Variants in PDE10A observed in about 807,000 individuals in gnomAD.
PDE10A encodes cAMP and cAMP-inhibited cGMP 3',5'-cyclic phosphodiesterase 10A.
A neutral mutation model predicts 97.7 loss-of-function variants in PDE10A; 39 were observed. The ratio of observed to expected loss-of-function variants is 0.40; its 90% CI spans 0.31 to 0.52. PDE10A has a LOEUF of 0.52. Ranked by LOEUF, PDE10A falls within the 20% of genes least tolerant of loss-of-function variation. PDE10A has a pLI of 0.56. For missense variants in PDE10A, 731 were observed against 1,047.8 expected (o/e 0.70, Z 4.17); for synonymous variants, 371 against 376.8 (o/e 0.98, Z 0.18).
chr6:165,642,364 C>T (rs80164209), intron 1 of PDE10A, among the ~76,000 whole-genome samples: 1,678 of 152,326 alleles, frequency 0.011, 26 homozygotes, highest in African/African-American at 0.038. Context: ...TCATGGACGT[C>T]CATCTGTGCA....
intron 18 of PDE10A, among the ~76,000 whole-genome samples, chr6:165,363,692 T>C (rs1313517661): frequency 1.3e-5 from 2 of 152,090 alleles, no homozygotes; most frequent in Non-Finnish European, 1.5e-5. Flanking sequence ...TGTCAAGATA[T>C]AAGATCGGTA....
intron 1 of PDE10A, among the ~76,000 whole-genome samples, chr6:165,638,526 C>T (rs572899373): frequency 5.3e-5 from 8 of 152,336 alleles, no homozygotes; most frequent in Admixed American, 2.0e-4. Context: ...TTCCTGTCTT[C>T]AGACCATCTA....
At chr6:165,779,667 T>C (rs1293922987) in intron 1 of PDE10A, among the ~76,000 whole-genome samples, 1 of 152,238 alleles carries the variant, frequency 6.6e-6, no homozygotes, top group Non-Finnish European at 1.5e-5. Context: ...TTTCTGGAAT[T>C]TTCTGCACAC....
chr6:165,480,426 T>G (rs1011535171), intron 3 of PDE10A, among the ~76,000 whole-genome samples: 1 of 149,612 alleles, frequency 6.7e-6, no homozygotes, highest in Non-Finnish European at 1.5e-5. Context: ...CATCTCTATT[T>G]AAAAAAAAAA....
At position 165,459,571 on chromosome 6, in the gene PDE10A, A is replaced by G. The variant is rs1778193419; in HGVS notation, c.1024-9209T>C. On this transcript the variant is annotated intron_variant, in intron 3 of 21. Coordinates refer to ENST00000539869, the MANE Select transcript of PDE10A (RefSeq NM_001385079.1). ...CAGACAGACAGACAGATAGATAGATAATGATAGATATATATATATATATAA... is the reference window on the plus strand; with the variant it reads ...CAGACAGACAGACAGATAGATAGATGATGATAGATATATATATATATATAA... Among the ~76,000 whole-genome samples the G allele has an allele frequency of 3.2e-5, 4 of 125,400 alleles. No homozygotes were observed. In the South Asian group the frequency reaches 6.8e-4, roughly 21 times the overall value. The allele number at this position is 125,400 out of a possible 152,430, so 82.3% of individuals were successfully genotyped here.
chr6:165,332,776 G>C lies in PDE10A; in HGVS notation c.*249C>G, dbSNP rs983294576. 9 of 468,750 alleles carry C rather than the reference G, an allele frequency of 1.9e-5. No individual in the cohort carries two copies. Among genetic ancestry groups the C allele is most frequent in the African/African-American group, 1.4e-4 (7 of 49,908 alleles). 29.0% of individuals were successfully genotyped at this position (468,750 alleles called of 1,614,324 possible). A position where few individuals can be genotyped will look rare whatever the true frequency, so the allele number is the denominator to read the frequency against. The stretch of plus-strand genomic sequence containing the variant: ...AAAAGGCTGGTTTGCAAGTCAAATG[G>C]AGTCACTTGGCCAGCTGATTTCTGA... On this transcript the variant is annotated 3_prime_UTR_variant, in exon 22 of 22. Coordinates refer to ENST00000539869, the MANE Select transcript of PDE10A (RefSeq NM_001385079.1).
chr6:165,905,686 C>A (rs202104529), intron 1 of PDE10A, among the ~76,000 whole-genome samples: 1 of 148,432 alleles, frequency 6.7e-6, no homozygotes, highest in Non-Finnish European at 1.5e-5. Context: ...GAAAAAAAAA[C>A]AACAGCCTCC....
intron 10 of PDE10A, among the ~76,000 whole-genome samples, chr6:165,420,608 C>A (rs1788625024): frequency 6.6e-6 from 1 of 152,126 alleles, no homozygotes; most frequent in Admixed American, 6.6e-5. Flanking sequence ...GAGGTAATGT[C>A]AGTTGCTTAA....
intron 5 of PDE10A, among the ~76,000 whole-genome samples, chr6:165,445,734 CA>C (rs1790802312): frequency 1.3e-5 from 2 of 152,154 alleles, no homozygotes; most frequent in Admixed American, 1.3e-4. Context: ...TCATCTCAAC[CA>C]GATAATTTAG....
intron 13 of PDE10A, among the ~76,000 whole-genome samples, chr6:165,407,277 G>A (rs1401643912): frequency 6.6e-6 from 1 of 152,132 alleles, no homozygotes; most frequent in African/African-American, 2.4e-5. Flanking sequence ...AGAGAAGCCA[G>A]CACACTTAGC....
intron 1 of PDE10A, among the ~76,000 whole-genome samples, chr6:165,799,088 G>C (rs1778909366): frequency 6.6e-6 from 1 of 152,178 alleles, no homozygotes; most frequent in Admixed American, 6.5e-5. Flanking sequence ...AGGCTCCATG[G>C]AAACATCAGC....
chr6:165,942,583 C>T (rs1306372920), intron 1 of PDE10A, among the ~76,000 whole-genome samples: 2 of 152,168 alleles, frequency 1.3e-5, no homozygotes, highest in African/African-American at 2.4e-5. Flanking sequence ...CCCCGCTCTG[C>T]CCCGCTCTCG....
At chr6:165,536,338 A>T (rs1237932246) in intron 2 of PDE10A, among the ~76,000 whole-genome samples, 3 of 152,030 alleles carry the variant, frequency 2.0e-5, no homozygotes, top group Admixed American at 6.6e-5. Context: ...TAAACATAAG[A>T]CCTAAAACTA....
At chr6:165,483,082 T>C (rs1189320054) in intron 2 of PDE10A, among the ~76,000 whole-genome samples, 4 of 152,188 alleles carry the variant, frequency 2.6e-5, no homozygotes, top group African/African-American at 7.2e-5. Flanking sequence ...ACACAGGTCA[T>C]TGATTCTGAT....
At chr6:165,868,079 G>T (rs1781107299) in intron 1 of PDE10A, among the ~76,000 whole-genome samples, 1 of 151,996 alleles carries the variant, frequency 6.6e-6, no homozygotes, top group Admixed American at 6.5e-5. Context: ...GAAGCAGAAT[G>T]ATTTCAAATA....
chr6:165,626,263 G>T (rs73786690), intron 1 of PDE10A, among the ~76,000 whole-genome samples: 16,268 of 152,244 alleles, frequency 0.11, 1,484 homozygotes, highest in African/African-American at 0.25. Flanking sequence ...AAGTTTTCAT[G>T]AAGGTGTTTA....
intron 2 of PDE10A, among the ~76,000 whole-genome samples, chr6:165,518,142 A>G (rs1460814503): frequency 6.6e-6 from 1 of 152,242 alleles, no homozygotes; most frequent in East Asian, 1.9e-4. Flanking sequence ...CTGACTTCTA[A>G]AAATCACAGC....
At chr6:165,675,305 G>A (rs901234933) in intron 1 of PDE10A, among the ~76,000 whole-genome samples, 4 of 152,098 alleles carry the variant, frequency 2.6e-5, no homozygotes, top group African/African-American at 9.7e-5. Flanking sequence ...TTCATCCTTG[G>A]AAAATGTAAA....
In PDE10A at chr6:165,335,922, C is replaced by T. The variant is rs140091525; in HGVS notation, c.3065+201G>A. ...CCAAGCACCCAAGGTGCCTGAGGCT[C>T]GTCTTTGAGGAGAATTGAACCAAAG... is the stretch of plus-strand genomic sequence containing the variant. On this transcript the variant is annotated intron_variant, in intron 21 of 21. Coordinates refer to ENST00000539869, the MANE Select transcript of PDE10A (RefSeq NM_001385079.1). 3.8e-3 allele frequency among the ~76,000 whole-genome samples: 580 copies of T among 152,244 alleles called. 1 individual carries two copies. The highest frequency in any genetic ancestry group is 6.8e-3 in the Middle Eastern group (2 of 292).
Sources: gnomAD v4.1 joint callset for allele counts (sites outside exome capture counted in the v4.1 genomes callset) on GRCh38, gnomAD v4.1.1 for gene constraint, MANE v1.5 for transcripts, NCBI Gene and HGNC (gene_info 2026-07-23, HGNC 2026-07-21) for gene names.